Variants in RBFOX1 observed in about 807,000 individuals in gnomAD.
RBFOX1 encodes the protein RNA binding protein fox-1 homolog 1.
Under a neutral mutation model 57.7 loss-of-function variants are expected in RBFOX1, and 8 were observed. That is an observed-to-expected ratio of 0.14 (90% confidence interval 0.08 to 0.25). RBFOX1 has a LOEUF of 0.25. RBFOX1 is among the 10% of genes least tolerant of loss of function. The pLI, the probability that RBFOX1 is intolerant of heterozygous loss-of-function variation, is 1.00. For missense variants in RBFOX1, 611 were observed against 548.5 expected (o/e 1.11, Z -1.14); for synonymous variants, 326 against 222.4 (o/e 1.47, Z -4.15).
intron 4 of RBFOX1, among the ~76,000 whole-genome samples, chr16:7,106,270 C>G (rs548770145): frequency 1.4e-4 from 21 of 152,146 alleles, no homozygotes; most frequent in Non-Finnish European, 1.5e-4. Context: ...TAAACACATA[C>G]GTGAGTTTCC....
intron 3 of RBFOX1, among the ~76,000 whole-genome samples, chr16:5,750,807 A>G (rs898233869): frequency 1.3e-5 from 2 of 152,226 alleles, no homozygotes; most frequent in Non-Finnish European, 2.9e-5. Flanking sequence ...GACACCTTGC[A>G]CTTCCCAGGT....
chr16:7,425,823 C>G (rs1195532637), intron 4 of RBFOX1, among the ~76,000 whole-genome samples: 1 of 152,110 alleles, frequency 6.6e-6, no homozygotes, highest in Non-Finnish European at 1.5e-5. Flanking sequence ...TGTAACAGTT[C>G]TTAAAATACT....
rs140488831 is a variant in RBFOX1 at position 5,981,368 on chromosome 16, A to G, written c.351+114033A>G. Among the ~76,000 whole-genome samples, 889 of 152,306 alleles carry G rather than the reference A, an allele frequency of 5.8e-3. 4 individuals are homozygous for G. The highest frequency in any genetic ancestry group is 7.8e-3 in the Non-Finnish European group (532 of 68,028). ...TCTGGGGTGATGCTCTGGAATCTGT[A>G]TTTGGAAAAACAAACTTCCCAGATA... is the stretch of plus-strand genomic sequence containing the variant. On this transcript the variant is annotated intron_variant, in intron 4 of 19. Coordinates refer to the RBFOX1 transcript ENST00000641259.
chr16:7,590,303 A>C (rs2094375110), intron 7 of RBFOX1, among the ~76,000 whole-genome samples: 1 of 152,072 alleles, frequency 6.6e-6, no homozygotes, highest in Non-Finnish European at 1.5e-5. Context: ...ATATAGATCC[A>C]GTATCTATAT....
chr16:5,478,376 C>T lies in RBFOX1; in HGVS notation c.258+11122C>T, dbSNP rs565353188. On this transcript the variant is annotated intron_variant, in intron 2 of 2. Coordinates refer to the RBFOX1 transcript ENST00000585867. ...GGAGTTCCTGGTGTGCTTCCAGGAA[C>T]GGGTAATGAATGTGCAGTTATTTAA... is the stretch of plus-strand genomic sequence containing the variant. Among the ~76,000 whole-genome samples the T allele has an allele frequency of 7.2e-5, 11 of 152,100 alleles. No homozygotes were observed. The South Asian group carries it at 8.3e-4, about 12-fold the overall frequency.
intron 3 of RBFOX1, among the ~76,000 whole-genome samples, chr16:7,039,153 A>T (rs554114848): frequency 6.6e-6 from 1 of 152,384 alleles, no homozygotes; most frequent in African/African-American, 2.4e-5. Context: ...GATATGCTCC[A>T]TAAAGTATTC....
chr16:6,693,139 A>G (rs559490611), intron 3 of RBFOX1, among the ~76,000 whole-genome samples: 3 of 150,234 alleles, frequency 2.0e-5, no homozygotes, highest in Admixed American at 6.6e-5. Flanking sequence ...CATCATCACC[A>G]TCATCCTCCT....
intron 3 of RBFOX1, among the ~76,000 whole-genome samples, chr16:6,943,490 C>A (rs887311483): frequency 6.6e-6 from 1 of 152,106 alleles, no homozygotes; most frequent in African/African-American, 2.4e-5. Flanking sequence ...AGGCGGATCA[C>A]AAGGTCAGGA....
chr16:6,416,186 G>A (rs149499944), intron 2 of RBFOX1, among the ~76,000 whole-genome samples: 150 of 152,306 alleles, frequency 9.8e-4, no homozygotes, highest in African/African-American at 3.4e-3. Context: ...TGAGTCTCTC[G>A]CTTATGCGGA....
intron 4 of RBFOX1, among the ~76,000 whole-genome samples, chr16:5,973,129 C>T (rs2059995700): frequency 1.3e-5 from 2 of 152,156 alleles, no homozygotes. Context: ...ATATTCTATT[C>T]TACCTTATGA....
chr16:7,567,117 A>G (rs996360954), intron 5 of RBFOX1, among the ~76,000 whole-genome samples: 3 of 145,860 alleles, frequency 2.1e-5, no homozygotes, highest in African/African-American at 7.5e-5. Flanking sequence ...ATATCCATAT[A>G]TATCTCCCTA....
At chr16:6,178,080 C>G (rs1487212493) in intron 1 of RBFOX1, among the ~76,000 whole-genome samples, 1 of 151,800 alleles carries the variant, frequency 6.6e-6, no homozygotes, top group Admixed American at 6.6e-5. Flanking sequence ...ATGATTGCTT[C>G]CTAACCAACA....
intron 1 of RBFOX1, among the ~76,000 whole-genome samples, chr16:5,401,659 A>G (rs1380602576): frequency 2.6e-5 from 4 of 152,124 alleles, no homozygotes; most frequent in Non-Finnish European, 5.9e-5. Context: ...ATTTTTACAT[A>G]TTTAATCTTT....
chr16:6,724,236 T>A (rs1015661533), intron 3 of RBFOX1, among the ~76,000 whole-genome samples: 7 of 135,886 alleles, frequency 5.2e-5, no homozygotes, highest in African/African-American at 1.7e-4. Context: ...TGAGTTGGAG[T>A]TTCACTCTTG....
At chr16:6,533,865 G>A (rs1318163650) in intron 2 of RBFOX1, among the ~76,000 whole-genome samples, 1 of 152,052 alleles carries the variant, frequency 6.6e-6, no homozygotes, top group East Asian at 1.9e-4. Context: ...ACATAAAAGA[G>A]AAGTTTGACA....
At chr16:6,305,340 G>A (rs2079366019) in intron 1 of RBFOX1, among the ~76,000 whole-genome samples, 1 of 152,208 alleles carries the variant, frequency 6.6e-6, no homozygotes, top group Admixed American at 6.5e-5. Context: ...GCATAGGGAT[G>A]TCAGTGCAAT....
chr16:5,740,068 G>A (rs764275986), intron 3 of RBFOX1, among the ~76,000 whole-genome samples: 1 of 152,130 alleles, frequency 6.6e-6, no homozygotes, highest in Admixed American at 6.5e-5. Context: ...GCAAACAGAA[G>A]CCCAACGCTT....
intron 4 of RBFOX1, among the ~76,000 whole-genome samples, chr16:5,901,058 A>G (rs1243537061): frequency 6.6e-6 from 1 of 152,136 alleles, no homozygotes; most frequent in Non-Finnish European, 1.5e-5. Context: ...ATTATTCCAG[A>G]GCACCAGCCC....
In RBFOX1 at chr16:5,240,461, T is replaced by A. The variant is rs542485920; in HGVS notation, c.219+356T>A. 2.7e-4 allele frequency among the ~76,000 whole-genome samples: 41 copies of A among 152,042 alleles called. No individual in the cohort carries two copies. In the Middle Eastern group the frequency reaches 0.017, roughly 63 times the overall value. On this transcript the variant is annotated intron_variant, in intron 1 of 2. Coordinates refer to the RBFOX1 transcript ENST00000585867. ...GTCTGGGGCATCTGTCTGGGACTTT[T>A]GTCGGTCCCACCTGGCGGGGGGCTT...
Sources: allele counts gnomAD v4.1 joint callset (sites outside exome capture counted in the v4.1 genomes callset), GRCh38; gene constraint gnomAD v4.1.1; transcripts MANE v1.5; gene names NCBI Gene and HGNC (gene_info 2026-07-23, HGNC 2026-07-21).